Variants in ALDH1L1 observed in about 807,000 individuals in gnomAD.
The protein encoded by ALDH1L1 is cytosolic 10-formyltetrahydrofolate dehydrogenase.
A neutral mutation model predicts 101.1 loss-of-function variants in ALDH1L1; 68 were observed. The ratio of observed to expected loss-of-function variants is 0.67; its 90% CI spans 0.55 to 0.82. The LOEUF is 0.82. Among genes scored for constraint, ALDH1L1 ranks in the 40% least tolerant of loss-of-function variants. ALDH1L1 has a pLI of 0.00. For synonymous variants in ALDH1L1, 486 were observed against 470.8 expected (o/e 1.03, Z -0.42); for missense variants, 1,087 against 1,172.7 (o/e 0.93, Z 1.07).
At chr3:126,114,451 G>T in intron 18 of ALDH1L1, 106 bp downstream of exon 18, 1 of 908,246 alleles carries the variant, frequency 1.1e-6, no homozygotes, top group South Asian at 3.0e-5. Flanking sequence ...GACTCCACCA[G>T]GGCTACACGT....
intron 19 of ALDH1L1, among the ~76,000 whole-genome samples, chr3:126,111,706 C>T (rs369402693): frequency 1.5e-4 from 23 of 152,344 alleles, no homozygotes; most frequent in Non-Finnish European, 2.4e-4. Flanking sequence ...GCTCATAGGC[C>T]GTCTTTTTCC....
chr3:126,149,477 T>C (rs114575648), intron 8 of ALDH1L1, among the ~76,000 whole-genome samples: 2,968 of 152,328 alleles, frequency 0.019, 104 homozygotes, highest in African/African-American at 0.068. Flanking sequence ...CAGCTGGCCC[T>C]GCAACACCAG....
chr3:126,176,719 A>G lies in ALDH1L1; in HGVS notation c.-24+3757T>C, dbSNP rs189020092. ...ATTCATGGAGGAAAAAAAATGGTAC[A>G]TTAGACCTTATTAAAATTTAAAACT... On this transcript the variant is annotated intron_variant, in intron 1 of 22. Coordinates refer to ENST00000393434, the MANE Select transcript of ALDH1L1 (RefSeq NM_012190.4). 2.0e-5 allele frequency among the ~76,000 whole-genome samples: 3 copies of G among 152,330 alleles called. No individual in the cohort carries two copies. The East Asian group carries it at 5.8e-4, about 29-fold the overall frequency.
At chr3:126,112,411 C>G (rs1559916902) in intron 19 of ALDH1L1, among the ~76,000 whole-genome samples, 1 of 152,190 alleles carries the variant, frequency 6.6e-6, no homozygotes, top group Non-Finnish European at 1.5e-5. Flanking sequence ...TGAGACCAGG[C>G]TCTTGCTCCA....
At chr3:126,132,406 C>T (rs533370767) in intron 12 of ALDH1L1, among the ~76,000 whole-genome samples, 65 of 152,334 alleles carry the variant, frequency 4.3e-4, no homozygotes, top group Non-Finnish European at 5.9e-4. Flanking sequence ...CAGCTGTCCA[C>T]GCCACTCAGG....
At chr3:126,164,398 G>A (rs2081123709) in intron 1 of ALDH1L1, among the ~76,000 whole-genome samples, 1 of 152,162 alleles carries the variant, frequency 6.6e-6, no homozygotes, top group South Asian at 2.1e-4. Flanking sequence ...CTAGCAGTCT[G>A]CAGTGTCTGT....
chr3:126,158,346 G>C, intron 3 of ALDH1L1, 59 bp downstream of exon 3: 1 of 1,437,374 alleles, frequency 7.0e-7, no homozygotes, highest in Non-Finnish European at 9.4e-7. Context: ...AAAGTGACAA[G>C]TCAGGCTGAT....
chr3:126,107,299 C>T, intron 20 of ALDH1L1, 53 bp from the exon 21 acceptor site: 1 of 1,467,416 alleles, frequency 6.8e-7, no homozygotes, highest in South Asian at 1.1e-5. Flanking sequence ...GCCCGATGGT[C>T]CAGCCTCTCC....
upstream of ALDH1L1, among the ~76,000 whole-genome samples, chr3:126,182,819 T>C (rs746295503): frequency 6.6e-5 from 10 of 152,212 alleles, no homozygotes; most frequent in Middle Eastern, 3.4e-3. Context: ...TCCGAAATCA[T>C]GTGGAAAGTA....
chr3:126,160,858 G>T lies in ALDH1L1; in HGVS notation c.122C>A (p.Pro41His). The T allele has an allele frequency of 6.2e-7, 1 of 1,613,970 alleles. No homozygotes were observed. Among genetic ancestry groups the T allele is most frequent in the Non-Finnish European group, 8.5e-7 (1 of 1,179,906 alleles). The change falls in exon 2 of 23, where the codon CCC (proline) becomes CAC (histidine). Residue 41 changes from proline to histidine, a missense_variant. By Grantham distance (77) the Pro-to-His change is moderately conservative. Around this residue, in one of 2 missense-constraint regions of ALDH1L1, gnomAD observed 645 missense variants for 637.0 expected, o/e 1.01. Coordinates refer to ENST00000393434, the MANE Select transcript of ALDH1L1 (RefSeq NM_012190.4). ...TVPDKDGKAD[P>H]LGLEAEKDGV... ...TGCTCCATTGGCTCACTCACCCAGG[G>T]GGTCGGCCTTTCCATCCTTGTCTGG...
chr3:126,189,518 G>C (rs6795157), intron 1 of ALDH1L1, among the ~76,000 whole-genome samples: 94,633 of 151,954 alleles, frequency 0.62, 29,542 homozygotes, highest in Middle Eastern at 0.67. Flanking sequence ...CCCAAAGCTT[G>C]GCTGCAGTGT....
At chr3:126,144,074 T>C (rs2080622728) in intron 9 of ALDH1L1, among the ~76,000 whole-genome samples, 1 of 152,126 alleles carries the variant, frequency 6.6e-6, no homozygotes, top group Non-Finnish European at 1.5e-5. Context: ...AAATTAGCAA[T>C]GAACAATCCA....
chr3:126,150,862 G>C, intron 7 of ALDH1L1: 1 of 273,202 alleles, frequency 3.7e-6, no homozygotes, highest in East Asian at 1.0e-4. Context: ...CCGGCCAAAA[G>C]GAAGGATTTC....
At chr3:126,150,022 G>A (rs966829765) in intron 8 of ALDH1L1, among the ~76,000 whole-genome samples, 2 of 152,232 alleles carry the variant, frequency 1.3e-5, no homozygotes, top group African/African-American at 4.8e-5. Flanking sequence ...GGCAGCTTGT[G>A]TTGGTCACAG....
intron 16 of ALDH1L1, among the ~76,000 whole-genome samples, chr3:126,120,361 AAG>A: frequency 6.6e-6 from 1 of 152,390 alleles, no homozygotes; most frequent in Non-Finnish European, 1.5e-5. Context: ...CACTAAGTGA[AAG>A]AAGCCAAATG....
At chr3:126,159,572 A>G (rs755358898) in intron 2 of ALDH1L1, 51 of 455,432 alleles carry the variant, frequency 1.1e-4, no homozygotes, top group Non-Finnish European at 2.1e-4. Flanking sequence ...GGTGTCTGGT[A>G]GTTTTGAGAG....
In ALDH1L1 at chr3:126,135,607, G is replaced by A; in HGVS notation, c.1400C>T (p.Ala467Val). The A allele has an allele frequency of 6.3e-7, 1 of 1,596,886 alleles. No homozygotes were observed. Among genetic ancestry groups the A allele is most frequent in the Non-Finnish European group, 8.5e-7 (1 of 1,171,932 alleles). Residue 467 changes from alanine (A) to valine (V), a missense_variant, in exon 12 of 23, where the codon GCA (alanine) becomes GTA (valine). This residue lies in a region of ALDH1L1 where 645 missense variants were observed against 637.0 expected (regional missense o/e 1.01). Transcript: ENST00000393434. The part of the protein sequence containing the change: ...QVTDVDKAVA[A>V]AKDAFENGRW... ...TCCATTCTCAAAGGCATCCTTGGCT[G>A]CGGCCACTGCCTTGTCGACGTCGGT...
At chr3:126,145,158 T>C (rs190974082) in intron 9 of ALDH1L1, among the ~76,000 whole-genome samples, 2 of 152,164 alleles carry the variant, frequency 1.3e-5, no homozygotes, top group African/African-American at 4.8e-5. Context: ...GGATGGTTAT[T>C]GTTCAAAAGG....
intron 12 of ALDH1L1, among the ~76,000 whole-genome samples, chr3:126,134,779 C>A (rs925344966): frequency 1.3e-5 from 2 of 152,174 alleles, no homozygotes; most frequent in Non-Finnish European, 1.5e-5. Flanking sequence ...TGGCTTCGCA[C>A]CCCTAGACGT....
Sources: allele counts gnomAD v4.1 joint callset (sites outside exome capture counted in the v4.1 genomes callset), GRCh38; gene constraint gnomAD v4.1.1; regional missense constraint gnomAD v4.1.1; transcripts MANE v1.5; gene names NCBI Gene and HGNC (gene_info 2026-07-23, HGNC 2026-07-21).